Variants in KIF18B observed in about 807,000 individuals in gnomAD.
The protein encoded by KIF18B is kinesin-like protein KIF18B.
A neutral mutation model predicts 80.9 loss-of-function variants in KIF18B; 49 were observed. The ratio of observed to expected loss-of-function variants is 0.61; its 90% CI spans 0.48 to 0.77. KIF18B has a LOEUF of 0.77. Ranked by LOEUF, KIF18B falls within the 30% of genes least tolerant of loss-of-function variation. The probability of loss-of-function intolerance (pLI) is 0.00; values close to 1 mark genes in which losing one functional copy is unlikely to be tolerated. For missense variants in KIF18B, 994 were observed against 1,127.7 expected, an observed-to-expected ratio of 0.88 and a Z score of 1.70; for synonymous variants, 439 against 463.9, an observed-to-expected ratio of 0.95 and a Z score of 0.69.
chr17:44,936,607 T>C lies in KIF18B; in HGVS notation c.-14-249A>G, dbSNP rs1292204670. Among the ~76,000 whole-genome samples the C allele has an allele frequency of 6.6e-5, 5 of 75,500 alleles. No homozygotes were observed. The East Asian group carries it at 1.0e-3, about 15-fold the overall frequency. The allele number at this position is 75,500 out of a possible 152,430, so 49.5% of individuals were successfully genotyped here. On this transcript the variant is annotated intron_variant, in intron 1 of 15. Coordinates refer to ENST00000593135, the MANE Select transcript of KIF18B (RefSeq NM_001265577.2). Reference sequence around the variant, plus strand: ...CTCTCTCTCTCTCTCTCTATATATATATATATATATATATATATTTTTTTT... The same window carrying C: ...CTCTCTCTCTCTCTCTCTATATATACATATATATATATATATATTTTTTTT...
chr17:44,925,895 A>G lies in KIF18B; in HGVS notation c.*185T>C. On this transcript the variant is annotated 3_prime_UTR_variant, in exon 16 of 16. Coordinates refer to ENST00000593135, the MANE Select transcript of KIF18B (RefSeq NM_001265577.2). ...GCTGAGTGTAACAGGAGATTAACAG[A>G]GGGTGAGTAGCAGGATGGATGTCTG... 3.1e-6 allele frequency: 2 copies of G among 640,772 alleles called. No homozygotes were observed. Among genetic ancestry groups the G allele is most frequent in the Non-Finnish European group, 5.6e-6 (2 of 359,986 alleles). The allele number at this position is 640,772 out of a possible 1,614,324, so 39.7% of individuals were successfully genotyped here. A position where few individuals can be genotyped will look rare whatever the true frequency, so the allele number is the denominator to read the frequency against.
intron 1 of KIF18B, among the ~76,000 whole-genome samples, chr17:44,936,906 T>C (rs2052323578): frequency 6.6e-6 from 1 of 151,522 alleles, no homozygotes; most frequent in African/African-American, 2.4e-5. Flanking sequence ...CCTCCCAAAG[T>C]GTTGGGATTA....
intron 11 of KIF18B, among the ~76,000 whole-genome samples, chr17:44,931,096 C>T (rs985602066): frequency 1.3e-5 from 2 of 152,126 alleles, no homozygotes; most frequent in African/African-American, 4.8e-5. Context: ...TTCTATGAAG[C>T]ATAGAAAGAA....
chr17:44,946,050 T>C (rs1213925926), intron 1 of KIF18B, among the ~76,000 whole-genome samples: 1 of 147,628 alleles, frequency 6.8e-6, no homozygotes, highest in Non-Finnish European at 1.5e-5. Flanking sequence ...GGAGAACTTG[T>C]CTCTACTTCC....
At position 44,936,155 on chromosome 17, in the gene KIF18B, T is replaced by C; in HGVS notation, c.190A>G (p.Lys64Glu). The change falls in exon 2 of 16, where the codon AAG becomes GAG. Residue 64 changes from lysine (K) to glutamate (E), a missense_variant. Coordinates refer to ENST00000593135, the MANE Select transcript of KIF18B (RefSeq NM_001265577.2). ...WGGTHDGPKK[K>E]GKDLTFVFDR... is the part of the protein sequence containing the mutation. The stretch of plus-strand genomic sequence containing the variant: ...AAGACAAACGTCAGGTCTTTGCCCT[T>C]CTTCTTGGGGCCATCATGGGTGCCA... 2 of 1,613,554 alleles carry C rather than the reference T, an allele frequency of 1.2e-6. No individual in the cohort carries two copies. The highest frequency in any genetic ancestry group is 1.7e-6 in the Non-Finnish European group (2 of 1,179,776).
At chr17:44,929,550 G>A (rs969748482) in intron 11 of KIF18B, among the ~76,000 whole-genome samples, 5 of 152,180 alleles carry the variant, frequency 3.3e-5, no homozygotes, top group African/African-American at 9.7e-5. Flanking sequence ...TTAGAATGGG[G>A]ATAACAAATG....
At chr17:44,930,413 T>G (rs1395708483) in intron 11 of KIF18B, among the ~76,000 whole-genome samples, 1 of 152,144 alleles carries the variant, frequency 6.6e-6, no homozygotes, top group African/African-American at 2.4e-5. Context: ...AAGATTTCAT[T>G]TGAAGAAAGT....
chr17:44,936,703 G>T (rs1226487259), intron 1 of KIF18B, among the ~76,000 whole-genome samples: 1 of 124,770 alleles, frequency 8.0e-6, no homozygotes, highest in Admixed American at 9.7e-5. Flanking sequence ...GCAATGGCAT[G>T]ATCTCGGCTC....
Position 44,926,022 on chromosome 17 carries a change from G to A in KIF18B, c.*58C>T. The A allele has an allele frequency of 5.7e-6, 9 of 1,589,654 alleles. No homozygotes were observed. Among genetic ancestry groups the A allele is most frequent in the Non-Finnish European group, 7.8e-6 (9 of 1,159,192 alleles). ...GCAGGTGGCTACAGGTCCAAGAGGG[G>A]TATCCAGCAGAGGGGCCGGTAGGTT... is the stretch of plus-strand genomic sequence containing the variant. On this transcript the variant is annotated 3_prime_UTR_variant, in exon 16 of 16. Transcript: ENST00000593135.
In KIF18B at chr17:44,928,437, CG is replaced by C. The variant is rs1567787404; in HGVS notation, c.1864del (p.Arg622AspfsTer37). Reference protein sequence around the residue: ...GPNCTPAQGSRWPMEKKRRRP... With the variant: ...GPNCTPAQGSXWPMEKKRRRP... ...CCTCCTCTTCTTCTCCATGGGCCAT[CG>C]GGACCCCTGGGCTGGGGTGCAGTTG... On this transcript the variant is annotated frameshift_variant, in exon 13 of 16. Coordinates refer to ENST00000593135, the MANE Select transcript of KIF18B (RefSeq NM_001265577.2). LOFTEE classifies it high-confidence loss of function. The C allele has an allele frequency of 6.5e-7, 1 of 1,539,610 alleles. No individual in the cohort carries two copies. Among genetic ancestry groups the C allele is most frequent in the South Asian group, 1.2e-5 (1 of 84,136 alleles).
In KIF18B at chr17:44,928,216, T is replaced by C. The variant is rs150206890; in HGVS notation, c.2086A>G (p.Lys696Glu). 2 of 1,613,028 alleles carry C rather than the reference T, an allele frequency of 1.2e-6. No homozygotes were observed. The highest frequency in any genetic ancestry group is 1.7e-6 in the Non-Finnish European group (2 of 1,179,434). Residue 696 changes from lysine (K) to glutamate (E), a missense_variant, in exon 13 of 16, where the codon AAA (lysine) becomes GAA (glutamate). By Grantham distance (56) the Lys-to-Glu change is moderately conservative. Coordinates refer to ENST00000593135, the MANE Select transcript of KIF18B (RefSeq NM_001265577.2). ...GAAGGGCCCAGGGGCACCCGGCTTT[T>C]GATGACTGTGGCTGGGCAAACGCGA... ...SPRVCPATVI[K>E]SRVPLGPSAM...
chr17:44,932,385 A>G (rs2052175907), intron 9 of KIF18B, 179 bp from the exon 10 acceptor site: 1 of 656,296 alleles, frequency 1.5e-6, no homozygotes, highest in Non-Finnish European at 2.5e-6. Flanking sequence ...AGCTGAGGGT[A>G]GGAGGAGTCA....
chr17:44,927,178 T>C lies in KIF18B; in HGVS notation c.2277-100A>G. On this transcript the variant is annotated intron_variant, in intron 13 of 15. Transcript: ENST00000593135. This position sits in a 1 kb window ranked among gnomAD's most constrained non-coding sequence, Gnocchi z 4.1. ...CCCCCAGCTCGGGCATGGGGGAGGG[T>C]GGTTGGACAAGATGACCTCTGAGGT... The C allele has an allele frequency of 1.2e-6, 1 of 839,082 alleles. No homozygotes were observed. The highest frequency in any genetic ancestry group is 1.9e-6 in the Non-Finnish European group (1 of 540,342). The allele number at this position is 839,082 out of a possible 1,614,324, so 52.0% of individuals were successfully genotyped here.
intron 1 of KIF18B, among the ~76,000 whole-genome samples, chr17:44,940,985 C>T (rs983377640): frequency 1.3e-5 from 2 of 151,254 alleles, no homozygotes; most frequent in African/African-American, 4.9e-5. Context: ...GTGCTCACTG[C>T]ATCAGGAACT....
intron 11 of KIF18B, among the ~76,000 whole-genome samples, chr17:44,930,546 A>G (rs2052123148): frequency 6.6e-6 from 1 of 152,254 alleles, no homozygotes; most frequent in Admixed American, 6.5e-5. Flanking sequence ...ATTATTTTCA[A>G]CGATCTGGCT....
rs568902965 is a variant in KIF18B at position 44,925,785 on chromosome 17, CA to C, written c.*294del. 32 of 410,306 alleles carry C rather than the reference CA, an allele frequency of 7.8e-5. No individual in the cohort carries two copies. Among genetic ancestry groups the C allele is most frequent in the East Asian group, 1.6e-4 (3 of 18,372 alleles). 25.4% of individuals were successfully genotyped at this position (410,306 alleles called of 1,614,324 possible). ...GACAGAGTAAGACTCCATCTCAAAA[CA>C]AAAAAAACAAAAAACAAAAACCACC... is the stretch of plus-strand genomic sequence containing the variant. On this transcript the variant is annotated 3_prime_UTR_variant, in exon 16 of 16. Transcript: ENST00000593135.
intron 2 of KIF18B, 136 bp downstream of exon 2, chr17:44,935,896 G>C (rs1202034454): frequency 2.7e-6 from 2 of 745,322 alleles, no homozygotes; most frequent in Non-Finnish European, 4.5e-6. Context: ...GAGCATGATG[G>C]GACATTGTAC....
rs374025114 is a variant in KIF18B, at chr17:44,936,075, C to A, written c.270G>T (p.Thr90=). Residue 90 remains threonine, a synonymous_variant, in exon 2 of 16, where the codon ACG becomes ACT. Coordinates refer to ENST00000593135, the MANE Select transcript of KIF18B (RefSeq NM_001265577.2). ...GGAGGAAGCTGTCCAGGACGCTGTG[C>A]GTGGTGTGCTGGAACACGTCCTGTT... ...ATQQDVFQHT[T]HSVLDSFLQG... 2 of 1,613,772 alleles carry A rather than the reference C, an allele frequency of 1.2e-6. No homozygotes were observed. The highest frequency in any genetic ancestry group is 2.2e-5 in the East Asian group (1 of 44,886).
intron 1 of KIF18B, among the ~76,000 whole-genome samples, chr17:44,938,698 C>T (rs888111881): frequency 4.6e-5 from 7 of 152,138 alleles, no homozygotes; most frequent in Non-Finnish European, 7.4e-5. Flanking sequence ...ATAGTGCATT[C>T]TTCCTCCACC....
Sources: gnomAD v4.1 joint callset for allele counts (sites outside exome capture counted in the v4.1 genomes callset) on GRCh38, gnomAD v4.1.1 for gene constraint, Gnocchi (gnomAD v3.1) non-coding constraint, MANE v1.5 for transcripts, NCBI Gene and HGNC (gene_info 2026-07-23, HGNC 2026-07-21) for gene names.